The following FNBP1L variants were observed in gnomAD, a reference collection of about 807,000 sequenced individuals.
FNBP1L encodes the protein formin binding protein 1 like, also known as formin-binding protein 1-like.
FNBP1L carries 36 observed loss-of-function variants against 91.2 expected under a neutral mutation model. The ratio of observed to expected loss-of-function variants is 0.39; its 90% confidence interval spans 0.30 to 0.52. FNBP1L has a LOEUF of 0.52. Among genes scored for constraint, FNBP1L ranks in the 20% least tolerant of loss-of-function variants. The probability of loss-of-function intolerance (pLI) is 0.66; values close to 1 mark genes in which losing one functional copy is unlikely to be tolerated. For missense variants in FNBP1L, 571 were observed against 732.1 expected, an observed-to-expected ratio of 0.78 and a Z score of 2.54; for synonymous variants, 242 against 237.0, an observed-to-expected ratio of 1.02 and a Z score of -0.19.
chr1:93,501,109 C>T (rs1477332211), intron 2 of FNBP1L, among the ~76,000 whole-genome samples: 1 of 151,988 alleles, frequency 6.6e-6, no homozygotes, highest in African/African-American at 2.4e-5. Flanking sequence ...TTAATTTGAT[C>T]TCAATTTTAG....
At chr1:93,468,254 G>T (rs1420012205) in intron 1 of FNBP1L, among the ~76,000 whole-genome samples, 1 of 151,992 alleles carries the variant, frequency 6.6e-6, no homozygotes, top group Non-Finnish European at 1.5e-5. Flanking sequence ...TGTTTTCAAG[G>T]CTCATGCATA....
At chr1:93,492,409 A>G (rs1427726844) in intron 1 of FNBP1L, among the ~76,000 whole-genome samples, 1 of 152,204 alleles carries the variant, frequency 6.6e-6, no homozygotes, top group African/African-American at 2.4e-5. Flanking sequence ...AGCACACAAG[A>G]TGATCCACTG....
intron 1 of FNBP1L, among the ~76,000 whole-genome samples, chr1:93,474,758 A>T (rs976422658): frequency 6.6e-6 from 1 of 152,144 alleles, no homozygotes; most frequent in African/African-American, 2.4e-5. Context: ...AGCTAGAGAG[A>T]TGATGGCCAG....
chr1:93,503,393 G>A (rs527946277), intron 2 of FNBP1L, among the ~76,000 whole-genome samples: 1 of 152,262 alleles, frequency 6.6e-6, no homozygotes, highest in Non-Finnish European at 1.5e-5. Context: ...TGTAATTCAA[G>A]ATGAGATTTG....
chr1:93,454,568 T>C (rs1213621033), intron 1 of FNBP1L, among the ~76,000 whole-genome samples: 2 of 152,150 alleles, frequency 1.3e-5, no homozygotes, highest in African/African-American at 4.8e-5. Flanking sequence ...TTTAATAATA[T>C]GTTACTAATT....
intron 12 of FNBP1L, among the ~76,000 whole-genome samples, chr1:93,545,961 C>G: frequency 6.6e-6 from 1 of 151,632 alleles, no homozygotes; most frequent in East Asian, 1.9e-4. Flanking sequence ...GTGAAAAATC[C>G]ATATTAGAAG....
At chr1:93,532,857 T>C (rs1671728150) in intron 7 of FNBP1L, 65 bp from the exon 8 acceptor site, 1 of 1,246,432 alleles carries the variant, frequency 8.0e-7, no homozygotes, top group Non-Finnish European at 1.1e-6. Context: ...GGATCACTAA[T>C]TGAACTCCTT....
intron 10 of FNBP1L, among the ~76,000 whole-genome samples, chr1:93,538,782 A>G (rs976558319): frequency 1.3e-5 from 2 of 152,156 alleles, no homozygotes; most frequent in African/African-American, 4.8e-5. Context: ...CATTCAGTTC[A>G]GAAACTCCTG....
chr1:93,553,388 T>A lies in FNBP1L; in HGVS notation c.*972T>A, dbSNP rs140662650. The A allele has an allele frequency of 6.6e-6, 1 of 152,608 alleles. No homozygotes were observed. The highest frequency in any genetic ancestry group is 2.4e-5 in the African/African-American group (1 of 41,456). The allele number at this position is 152,608 out of a possible 1,614,324, so 9.5% of individuals were successfully genotyped here. On this transcript the variant is annotated 3_prime_UTR_variant, in exon 17 of 17. Transcript: ENST00000271234. ...TCAGCTCAGTGCGACCTGCTTTAACTCTGCAGCACCGCTGCAGCTGCCGAT... is the reference window on the plus strand; with the variant it reads ...TCAGCTCAGTGCGACCTGCTTTAACACTGCAGCACCGCTGCAGCTGCCGAT...
intron 5 of FNBP1L, among the ~76,000 whole-genome samples, chr1:93,528,667 A>G (rs537384242): frequency 2.6e-5 from 4 of 152,212 alleles, no homozygotes; most frequent in Non-Finnish European, 4.4e-5. Context: ...TTGATGGGGG[A>G]GGGAAATGCT....
Position 93,552,491 on chromosome 1 carries a change from T to C in FNBP1L, c.*75T>C. 1.3e-6 allele frequency: 2 copies of C among 1,554,200 alleles called. No homozygotes were observed. The highest frequency in any genetic ancestry group is 1.8e-6 in the Non-Finnish European group (2 of 1,139,806). On this transcript the variant is annotated 3_prime_UTR_variant, in exon 17 of 17. Transcript: ENST00000271234. Reference sequence around the variant, plus strand: ...CTGCTTTTGGGGGAGGGTATTAGAGTTGTCAGGCTCAAAGAGAGTGAGAGA... The same window carrying C: ...CTGCTTTTGGGGGAGGGTATTAGAGCTGTCAGGCTCAAAGAGAGTGAGAGA...
Position 93,552,418 on chromosome 1 carries a change from G to T in FNBP1L, c.*2G>T. The T allele has an allele frequency of 6.2e-7, 1 of 1,612,618 alleles. No individual in the cohort carries two copies. The highest frequency in any genetic ancestry group is 8.5e-7 in the Non-Finnish European group (1 of 1,179,308). Reference sequence around the variant, plus strand: ...TCCTCCTGGACTGCAGGTTCCTGAAGAGGGTTTCTGAGGAAATGGGCAAGA... The same window carrying T: ...TCCTCCTGGACTGCAGGTTCCTGAATAGGGTTTCTGAGGAAATGGGCAAGA... On this transcript the variant is annotated 3_prime_UTR_variant, in exon 17 of 17. Transcript: ENST00000271234.
chr1:93,526,517 A>G (rs542768215), intron 5 of FNBP1L, among the ~76,000 whole-genome samples: 21 of 152,316 alleles, frequency 1.4e-4, no homozygotes, highest in African/African-American at 5.1e-4. Flanking sequence ...ACTTTCCCAG[A>G]AAGTCCCCAA....
intron 1 of FNBP1L, among the ~76,000 whole-genome samples, chr1:93,485,012 A>G (rs1669849911): frequency 6.6e-6 from 1 of 152,200 alleles, no homozygotes. Flanking sequence ...TTAGCTGGGC[A>G]TAGTGGCACA....
intron 5 of FNBP1L, among the ~76,000 whole-genome samples, chr1:93,524,601 T>A (rs995604280): frequency 5.0e-5 from 7 of 140,602 alleles, no homozygotes; most frequent in African/African-American, 1.9e-4. Context: ...TTTTTTTTTT[T>A]ACTTTAAAGT....
intron 16 of FNBP1L, 140 bp downstream of exon 16, chr1:93,551,245 A>G (rs895257655): frequency 1.4e-5 from 20 of 1,383,280 alleles, no homozygotes; most frequent in Middle Eastern, 2.7e-4. Context: ...ATTGTTCACT[A>G]TGTGAGCTGA....
At chr1:93,534,656 G>A in intron 8 of FNBP1L, 49 bp from the exon 9 acceptor site, 2 of 1,285,282 alleles carry the variant, frequency 1.6e-6, no homozygotes, top group Non-Finnish European at 2.1e-6. Flanking sequence ...AGCTGATGTA[G>A]AATTATGAGC....
At chr1:93,483,945 T>C (rs1335603946) in intron 1 of FNBP1L, among the ~76,000 whole-genome samples, 1 of 152,244 alleles carries the variant, frequency 6.6e-6, no homozygotes, top group Non-Finnish European at 1.5e-5. Context: ...AAATAGTTTA[T>C]TGAGATGGAG....
intron 1 of FNBP1L, among the ~76,000 whole-genome samples, chr1:93,468,722 C>T (rs1471902009): frequency 2.0e-5 from 3 of 152,210 alleles, no homozygotes; most frequent in Admixed American, 1.3e-4. Flanking sequence ...TAAGCCACTA[C>T]ACCTGGCCCG....
Sources: allele counts gnomAD v4.1 joint callset (sites outside exome capture counted in the v4.1 genomes callset), GRCh38; gene constraint gnomAD v4.1.1; transcripts MANE v1.5; gene names NCBI Gene and HGNC (gene_info 2026-07-23, HGNC 2026-07-21).